Variants in WDPCP observed in about 807,000 individuals in gnomAD.
WDPCP encodes the protein WD repeat-containing and planar cell polarity effector protein fritz homolog.
Under a neutral mutation model 93.1 loss-of-function variants are expected in WDPCP, and 71 were observed. The ratio of observed to expected loss-of-function variants is 0.76; its 90% CI spans 0.63 to 0.93. The LOEUF (loss-of-function observed/expected upper bound fraction) is 0.93. Ranked by LOEUF, WDPCP falls within the 40% of genes least tolerant of loss-of-function variation. The probability of loss-of-function intolerance (pLI) is 0.00; values close to 1 mark genes in which losing one functional copy is unlikely to be tolerated. For missense variants in WDPCP, 844 were observed against 887.4 expected (o/e 0.95, Z 0.62); for synonymous variants, 315 against 315.0 (o/e 1.00, Z 0.00).
chr2:63,537,945 G>T (rs1186571369), intron 1 of WDPCP, among the ~76,000 whole-genome samples: 2 of 152,108 alleles, frequency 1.3e-5, no homozygotes, highest in East Asian at 3.8e-4. Context: ...ATCAATGAAT[G>T]AATAAACAAA....
At chr2:63,178,340 G>A (rs894271782) in intron 14 of WDPCP, among the ~76,000 whole-genome samples, 1 of 152,072 alleles carries the variant, frequency 6.6e-6, no homozygotes, top group Non-Finnish European at 1.5e-5. Context: ...GAGGTCTTGG[G>A]CTTTTCTTTG....
At chr2:63,161,323 G>C (rs76477349) in intron 15 of WDPCP, among the ~76,000 whole-genome samples, 1 of 152,142 alleles carries the variant, frequency 6.6e-6, no homozygotes, top group Non-Finnish European at 1.5e-5. Flanking sequence ...TTCCTTATGT[G>C]CTTTTCACTT....
In WDPCP at chr2:63,126,666, G is replaced by GTGTTTTTT. The variant is rs1553536654; in HGVS notation, c.2191-4611_2191-4610insAAAAAACA. Among the ~76,000 whole-genome samples, 95 of 98,100 alleles carry GTGTTTTTT rather than the reference G, an allele frequency of 9.7e-4. 1 individual carries two copies. Among genetic ancestry groups the GTGTTTTTT allele is most frequent in the African/African-American group, 3.3e-3 (90 of 26,902 alleles). 64.4% of individuals were successfully genotyped at this position (98,100 alleles called of 152,430 possible). A position where few individuals can be genotyped will look rare whatever the true frequency, so the allele number is the denominator to read the frequency against. ...CACATAACTGTGCAACTTGTTTTGT[G>GTGTTTTTT]TTTTTTTTTTTTTTTTTTTTTTTGA... On this transcript the variant is annotated intron_variant, in intron 17 of 17. Transcript: ENST00000272321.
intron 13 of WDPCP, among the ~76,000 whole-genome samples, chr2:63,268,035 A>T (rs907911108): frequency 6.6e-6 from 1 of 152,184 alleles, no homozygotes; most frequent in Admixed American, 6.5e-5. Context: ...ATATTTCAAG[A>T]TTTTTCACAA....
At chr2:63,724,301 A>G (rs1336162631) in intron 2 of WDPCP, among the ~76,000 whole-genome samples, 1 of 152,194 alleles carries the variant, frequency 6.6e-6, no homozygotes, top group Non-Finnish European at 1.5e-5. Context: ...GACTTAAAAA[A>G]TGGTCTTCAG....
upstream of WDPCP, chr2:63,593,626 C>T (rs1436204678): frequency 2.1e-6 from 1 of 471,718 alleles, no homozygotes; most frequent in South Asian, 1.5e-5. Context: ...TTTCTCCATG[C>T]AGGTAGGGGT....
chr2:63,154,753 T>C (rs757272775), intron 15 of WDPCP, among the ~76,000 whole-genome samples: 1 of 152,120 alleles, frequency 6.6e-6, no homozygotes, highest in Non-Finnish European at 1.5e-5. Flanking sequence ...TATATTACAT[T>C]TCATGCGACA....
chr2:63,216,207 G>C (rs1214201679), intron 14 of WDPCP, among the ~76,000 whole-genome samples: 1 of 152,142 alleles, frequency 6.6e-6, no homozygotes, highest in Non-Finnish European at 1.5e-5. Flanking sequence ...CTATCACTGG[G>C]CATATACCCA....
intron 7 of WDPCP, among the ~76,000 whole-genome samples, chr2:63,439,228 T>C (rs1358098624): frequency 6.6e-6 from 1 of 152,184 alleles, no homozygotes; most frequent in Non-Finnish European, 1.5e-5. Context: ...TTGTACCAAT[T>C]ACAGACTGAT....
intron 1 of WDPCP, among the ~76,000 whole-genome samples, chr2:63,494,789 G>A (rs1426784382): frequency 6.6e-6 from 1 of 152,034 alleles, no homozygotes; most frequent in African/African-American, 2.4e-5. Flanking sequence ...GCGTGGTGGC[G>A]GGCGCCTGTA....
chr2:63,750,726 T>A (rs1669866423), intron 2 of WDPCP, among the ~76,000 whole-genome samples: 1 of 151,918 alleles, frequency 6.6e-6, no homozygotes, highest in Admixed American at 6.5e-5. Flanking sequence ...TTTCTGCATC[T>A]ATGGAAATGA....
At chr2:63,172,622 T>C (rs1025618565) in intron 15 of WDPCP, among the ~76,000 whole-genome samples, 4 of 152,010 alleles carry the variant, frequency 2.6e-5, no homozygotes, top group Non-Finnish European at 5.9e-5. Context: ...CAGAACATTA[T>C]ACAAGGAAAA....
chr2:63,468,814 T>C (rs561995764), intron 6 of WDPCP, among the ~76,000 whole-genome samples: 2 of 152,280 alleles, frequency 1.3e-5, no homozygotes, highest in East Asian at 1.9e-4. Context: ...CCTCTTTCCA[T>C]TGGATTATTC....
rs1231049617 is a variant in WDPCP at position 63,149,910 on chromosome 2, A to T, written c.2190+3004T>A. On this transcript the variant is annotated intron_variant, in intron 17 of 17. Coordinates refer to ENST00000272321, the MANE Select transcript of WDPCP (RefSeq NM_015910.7). ...TAGCTACTCAGAGGGCTGAGGTGGGATGACTGCTTATGCCCAGGAGTTTGA... is the reference window on the plus strand; with the variant it reads ...TAGCTACTCAGAGGGCTGAGGTGGGTTGACTGCTTATGCCCAGGAGTTTGA... Among the ~76,000 whole-genome samples, 3 of 152,180 alleles carry T rather than the reference A, an allele frequency of 2.0e-5. No homozygotes were observed. The East Asian group carries it at 5.8e-4, about 29-fold the overall frequency.
At chr2:63,727,473 T>C (rs1315853082) in intron 2 of WDPCP, among the ~76,000 whole-genome samples, 1 of 152,178 alleles carries the variant, frequency 6.6e-6, no homozygotes, top group African/African-American at 2.4e-5. Context: ...GAGTTTTACA[T>C]CTATGCTCAT....
intron 10 of WDPCP, among the ~76,000 whole-genome samples, chr2:63,403,377 C>T (rs1266288295): frequency 2.0e-5 from 3 of 151,894 alleles, no homozygotes; most frequent in African/African-American, 4.8e-5. Flanking sequence ...CCCCGTGACA[C>T]GTTTACCTAT....
chr2:63,535,520 C>G (rs7562686), intron 1 of WDPCP, among the ~76,000 whole-genome samples: 148,189 of 152,162 alleles, frequency 0.97, 72,182 homozygotes, highest in East Asian at 1. Flanking sequence ...GAGATATAGA[C>G]CAATGGAACA....
intron 14 of WDPCP, among the ~76,000 whole-genome samples, chr2:63,255,958 A>G: frequency 6.6e-6 from 1 of 152,222 alleles, no homozygotes; most frequent in Admixed American, 6.6e-5. Flanking sequence ...AAAAAGAAAT[A>G]CTTAAATCTA....
chr2:63,232,160 C>T lies in WDPCP; in HGVS notation c.1915+27147G>A, dbSNP rs529167524. Among the ~76,000 whole-genome samples, 28 of 152,260 alleles carry T rather than the reference C, an allele frequency of 1.8e-4. No homozygotes were observed. In the East Asian group the frequency reaches 2.1e-3, roughly 12 times the overall value. ...AAGCTGAAACTGGATCCCTTCCTTA[C>T]GCCTTATACAAAAATTAATTCAAGA... On this transcript the variant is annotated intron_variant, in intron 14 of 17. Transcript: ENST00000272321.
Sources: gnomAD v4.1 joint callset for allele counts (sites outside exome capture counted in the v4.1 genomes callset) on GRCh38, gnomAD v4.1.1 for gene constraint, MANE v1.5 for transcripts, NCBI Gene and HGNC (gene_info 2026-07-23, HGNC 2026-07-21) for gene names.